Variants in GUCY1A2 observed in about 807,000 individuals in gnomAD.
The protein encoded by GUCY1A2 is guanylate cyclase soluble subunit alpha-2.
Under a neutral mutation model 63.5 loss-of-function variants are expected in GUCY1A2, and 27 were observed. The observed-to-expected ratio is 0.43, with a 90% CI of 0.31 to 0.59. The LOEUF is 0.59. GUCY1A2 is among the 20% of genes least tolerant of loss of function. The pLI, the probability that GUCY1A2 is intolerant of heterozygous loss-of-function variation, is 0.11. For synonymous variants in GUCY1A2, 364 were observed against 343.5 expected, an observed-to-expected ratio of 1.06 and a Z score of -0.66; for missense variants, 768 against 913.3, an observed-to-expected ratio of 0.84 and a Z score of 2.05.
intron 4 of GUCY1A2, among the ~76,000 whole-genome samples, chr11:106,927,296 C>A (rs1185396585): frequency 6.6e-6 from 1 of 151,504 alleles, no homozygotes; most frequent in African/African-American, 2.4e-5. Context: ...TGGCACGAAC[C>A]CGGGGGGCGG....
At chr11:106,844,053 C>G (rs1859238620) in intron 4 of GUCY1A2, among the ~76,000 whole-genome samples, 1 of 151,796 alleles carries the variant, frequency 6.6e-6, no homozygotes, top group Non-Finnish European at 1.5e-5. Flanking sequence ...ATGAAGTAAG[C>G]ATCTTCTTAT....
At chr11:106,843,362 A>G (rs907499019) in intron 4 of GUCY1A2, among the ~76,000 whole-genome samples, 3 of 151,798 alleles carry the variant, frequency 2.0e-5, no homozygotes, top group Non-Finnish European at 4.4e-5. Flanking sequence ...GTGCACCAAA[A>G]TCTATGCATG....
rs1220933360 is a variant in GUCY1A2 at position 106,676,234 on chromosome 11, G to A, written c.*11315C>T. 5.5e-6 allele frequency: 1 copy of A among 181,876 alleles called. No individual in the cohort carries two copies. The highest frequency in any genetic ancestry group is 1.2e-5 in the Non-Finnish European group (1 of 85,326). 11.3% of individuals were successfully genotyped at this position (181,876 alleles called of 1,614,324 possible). ...AAGTCAATTAGAAATACCTACAATGGAAGAATGCCCTTACTCTTAAAGAAG... is the reference window on the plus strand; with the variant it reads ...AAGTCAATTAGAAATACCTACAATGAAAGAATGCCCTTACTCTTAAAGAAG... On this transcript the variant is annotated 3_prime_UTR_variant, in exon 8 of 8. Coordinates refer to ENST00000526355, the MANE Select transcript of GUCY1A2 (RefSeq NM_000855.3).
intron 6 of GUCY1A2, among the ~76,000 whole-genome samples, chr11:106,716,768 C>CAAAAAAA (rs56999589): frequency 1.8e-5 from 1 of 55,300 alleles, no homozygotes; most frequent in Non-Finnish European, 3.2e-5. Context: ...GACTCCGTCT[C>CAAAAAAA]AAAAAAAAAA....
chr11:106,728,965 CTTCAT>C (rs1420835893), intron 6 of GUCY1A2, among the ~76,000 whole-genome samples: 1 of 152,084 alleles, frequency 6.6e-6, no homozygotes, highest in Non-Finnish European at 1.5e-5. Context: ...AGAAGATTTA[CTTCAT>C]TTAATATTGA....
chr11:106,946,233 G>C (rs1046481317), intron 3 of GUCY1A2, among the ~76,000 whole-genome samples: 1 of 151,862 alleles, frequency 6.6e-6, no homozygotes, highest in African/African-American at 2.4e-5. Flanking sequence ...AAAACCCATG[G>C]GTCTAATTCT....
rs1178943786 is a variant in GUCY1A2, at chr11:106,674,620, A to ATAT, written c.*12926_*12928dup. The ATAT allele has an allele frequency of 1.1e-5, 2 of 186,408 alleles. No homozygotes were observed. Among genetic ancestry groups the ATAT allele is most frequent in the African/African-American group, 2.3e-5 (1 of 42,812 alleles). 11.5% of individuals were successfully genotyped at this position (186,408 alleles called of 1,614,324 possible). ...TGCAATTTAATCATGCCCTACATATATATTAGTATATTTACCTGGTATTAG... is the reference window on the plus strand; with the variant it reads ...TGCAATTTAATCATGCCCTACATATATATTATTAGTATATTTACCTGGTATTAG... On this transcript the variant is annotated 3_prime_UTR_variant, in exon 8 of 8. Coordinates refer to ENST00000526355, the MANE Select transcript of GUCY1A2 (RefSeq NM_000855.3).
chr11:106,897,601 A>G (rs886376167), intron 4 of GUCY1A2, among the ~76,000 whole-genome samples: 1 of 152,064 alleles, frequency 6.6e-6, no homozygotes, highest in Non-Finnish European at 1.5e-5. Context: ...CAATGCAATG[A>G]AAAAAAGATA....
intron 3 of GUCY1A2, among the ~76,000 whole-genome samples, chr11:106,954,105 T>C (rs1346407910): frequency 6.6e-6 from 1 of 152,156 alleles, no homozygotes; most frequent in Non-Finnish European, 1.5e-5. Flanking sequence ...ATTGTGATGT[T>C]AGGGTGTCAA....
At chr11:106,774,381 C>T (rs1204158800) in intron 6 of GUCY1A2, among the ~76,000 whole-genome samples, 1 of 152,154 alleles carries the variant, frequency 6.6e-6, no homozygotes, top group Non-Finnish European at 1.5e-5. Flanking sequence ...TCCACCCTCT[C>T]AGCCTCCCTA....
chr11:106,718,960 C>T (rs1044046285), intron 6 of GUCY1A2, among the ~76,000 whole-genome samples: 3 of 152,090 alleles, frequency 2.0e-5, no homozygotes, highest in Admixed American at 6.6e-5. Context: ...CTCTGACATC[C>T]AGTCTTTGGC....
intron 4 of GUCY1A2, among the ~76,000 whole-genome samples, chr11:106,839,827 G>A (rs1859171433): frequency 7.0e-6 from 1 of 142,338 alleles, no homozygotes; most frequent in South Asian, 2.3e-4. Flanking sequence ...TTTGGACACA[G>A]GAAGGGGAAC....
chr11:106,741,966 G>A (rs773541085), intron 6 of GUCY1A2, among the ~76,000 whole-genome samples: 5 of 152,172 alleles, frequency 3.3e-5, no homozygotes, highest in Non-Finnish European at 7.4e-5. Context: ...ACATTTGCAT[G>A]TATAACAAGG....
At chr11:106,820,921 T>G (rs1281130101) in intron 4 of GUCY1A2, among the ~76,000 whole-genome samples, 1 of 152,212 alleles carries the variant, frequency 6.6e-6, no homozygotes, top group African/African-American at 2.4e-5. Flanking sequence ...AATATAGCCT[T>G]TTAGACAATT....
chr11:106,972,197 G>A (rs1861204513), intron 3 of GUCY1A2, among the ~76,000 whole-genome samples: 1 of 152,118 alleles, frequency 6.6e-6, no homozygotes, highest in African/African-American at 2.4e-5. Context: ...TTGAAATAAA[G>A]CATGGAATTT....
chr11:106,935,123 T>G (rs991099395), intron 4 of GUCY1A2, among the ~76,000 whole-genome samples: 2 of 152,106 alleles, frequency 1.3e-5, no homozygotes, highest in Non-Finnish European at 2.9e-5. Context: ...CTTCTAGTCT[T>G]TATTAAGGAG....
intron 6 of GUCY1A2, among the ~76,000 whole-genome samples, chr11:106,734,366 G>A (rs558788109): frequency 6.6e-6 from 1 of 152,064 alleles, no homozygotes; most frequent in Non-Finnish European, 1.5e-5. Context: ...GGATATATAA[G>A]AATATCCTAC....
chr11:106,968,223 T>C (rs1861150544), intron 3 of GUCY1A2, among the ~76,000 whole-genome samples: 1 of 152,232 alleles, frequency 6.6e-6, no homozygotes, highest in Non-Finnish European at 1.5e-5. Context: ...ATATGATTAA[T>C]CAAAATATCT....
rs544730007 is a variant in GUCY1A2 at position 106,972,849 on chromosome 11, T to C, written c.487+5770A>G. Among the ~76,000 whole-genome samples the C allele has an allele frequency of 3.3e-5, 5 of 152,248 alleles. No homozygotes were observed. The East Asian group carries it at 9.7e-4, about 29-fold the overall frequency. ...AGTTGTGGGAAAGGAATGAGCTCTCTGTGAAAGACATGGATTAGTCTTAAA... is the reference window on the plus strand; with the variant it reads ...AGTTGTGGGAAAGGAATGAGCTCTCCGTGAAAGACATGGATTAGTCTTAAA... On this transcript the variant is annotated intron_variant, in intron 3 of 7. Coordinates refer to ENST00000526355, the MANE Select transcript of GUCY1A2 (RefSeq NM_000855.3).
Sources: gnomAD v4.1 joint callset for allele counts (sites outside exome capture counted in the v4.1 genomes callset) on GRCh38, gnomAD v4.1.1 for gene constraint, MANE v1.5 for transcripts, NCBI Gene and HGNC (gene_info 2026-07-23, HGNC 2026-07-21) for gene names.